EPS15: variants seen among roughly 807,000 people sequenced by gnomAD.
EPS15 encodes the protein epidermal growth factor receptor substrate 15.
EPS15 carries 72 observed loss-of-function variants against 113.8 expected under a neutral mutation model. The observed-to-expected ratio is 0.63, with a 90% CI of 0.52 to 0.77. The LOEUF (loss-of-function observed/expected upper bound fraction) is 0.77. Ranked by LOEUF, EPS15 falls within the 30% of genes least tolerant of loss-of-function variation. The pLI, the probability that EPS15 is intolerant of heterozygous loss-of-function variation, is 0.00. For synonymous variants in EPS15, 344 were observed against 363.4 expected (o/e 0.95, Z 0.61); for missense variants, 1,048 against 1,045.8 (o/e 1.00, Z -0.03).
At chr1:51,443,051 G>A (rs1316554861) in intron 11 of EPS15, among the ~76,000 whole-genome samples, 1 of 152,070 alleles carries the variant, frequency 6.6e-6, no homozygotes, top group African/African-American at 2.4e-5. Context: ...AAAATTTTGG[G>A]TTAATAGATA....
chr1:51,485,020 A>C (rs1344879924), intron 1 of EPS15, among the ~76,000 whole-genome samples: 2 of 152,224 alleles, frequency 1.3e-5, no homozygotes, highest in East Asian at 3.8e-4. Context: ...AGGAGCAATG[A>C]GCTATAAAGA....
chr1:51,452,003 T>A (rs1653610413), intron 8 of EPS15, among the ~76,000 whole-genome samples: 1 of 151,546 alleles, frequency 6.6e-6, no homozygotes, highest in South Asian at 2.1e-4. Flanking sequence ...CACCTCAGTC[T>A]CCCAAGTAGC....
intron 1 of EPS15, among the ~76,000 whole-genome samples, chr1:51,497,748 G>A (rs986264197): frequency 3.3e-5 from 5 of 152,118 alleles, no homozygotes; most frequent in African/African-American, 7.2e-5. Flanking sequence ...GGAGGTCAAG[G>A]CGGGCGGATC....
chr1:51,393,811 C>T (rs1018882329), intron 21 of EPS15, among the ~76,000 whole-genome samples: 1 of 152,148 alleles, frequency 6.6e-6, no homozygotes, highest in Non-Finnish European at 1.5e-5. Context: ...TTACCTGGTT[C>T]AAATCTATTA....
intron 12 of EPS15, among the ~76,000 whole-genome samples, chr1:51,424,618 G>C (rs748736472): frequency 6.6e-5 from 10 of 152,254 alleles, no homozygotes; most frequent in Admixed American, 3.3e-4. Flanking sequence ...AAATAGGTGT[G>C]TGAGGCTGGG....
At chr1:51,499,978 T>C in intron 1 of EPS15, among the ~76,000 whole-genome samples, 1 of 152,210 alleles carries the variant, frequency 6.6e-6, no homozygotes, top group East Asian at 1.9e-4. Flanking sequence ...TGTTACCAAT[T>C]ATTCTACTTT....
chr1:51,460,493 C>A (rs982683208), intron 8 of EPS15, among the ~76,000 whole-genome samples: 1 of 152,110 alleles, frequency 6.6e-6, no homozygotes, highest in African/African-American at 2.4e-5. Flanking sequence ...ATATTAGAAG[C>A]AGGTACTAAG....
intron 1 of EPS15, among the ~76,000 whole-genome samples, chr1:51,503,741 GA>G (rs1644452347): frequency 6.6e-6 from 1 of 152,164 alleles, no homozygotes; most frequent in Non-Finnish European, 1.5e-5. Context: ...TACTGCACAG[GA>G]CATATAGATC....
At chr1:51,518,874 C>T (rs1296356423) in intron 1 of EPS15, among the ~76,000 whole-genome samples, 2 of 151,686 alleles carry the variant, frequency 1.3e-5, no homozygotes, top group African/African-American at 4.8e-5. Flanking sequence ...TGAAAGCTGC[C>T]CCGCGGGAGC....
chr1:51,357,376 G>GAAAAAA (rs56655497), intron 24 of EPS15, among the ~76,000 whole-genome samples: 3 of 33,114 alleles, frequency 9.1e-5, no homozygotes, highest in African/African-American at 5.8e-4. Flanking sequence ...GATTCCATCT[G>GAAAAAA]AAAAAAAAAA....
chr1:51,408,068 A>C (rs1406907329), intron 15 of EPS15, 67 bp downstream of exon 15: 19 of 1,374,176 alleles, frequency 1.4e-5, no homozygotes, highest in Non-Finnish European at 2.0e-5. Flanking sequence ...CAGAAGTTGG[A>C]AAGTATAACT....
chr1:51,411,460 AG>A (rs1458714728), intron 13 of EPS15, among the ~76,000 whole-genome samples: 1 of 152,232 alleles, frequency 6.6e-6, no homozygotes, highest in African/African-American at 2.4e-5. Context: ...TTTAAGATAC[AG>A]GGACACTTGA....
chr1:51,387,621 G>A (rs1370984439), intron 21 of EPS15, among the ~76,000 whole-genome samples: 1 of 152,152 alleles, frequency 6.6e-6, no homozygotes, highest in African/African-American at 2.4e-5. Context: ...AAGGATGGAG[G>A]AAGATCTACC....
chr1:51,451,920 T>G (rs1239948075), intron 8 of EPS15, among the ~76,000 whole-genome samples: 1 of 152,128 alleles, frequency 6.6e-6, no homozygotes, highest in Non-Finnish European at 1.5e-5. Context: ...TTGGTTGGTT[T>G]GTTTTTTGCC....
At chr1:51,484,657 T>C (rs1297848331) in intron 1 of EPS15, among the ~76,000 whole-genome samples, 1 of 152,176 alleles carries the variant, frequency 6.6e-6, no homozygotes, top group African/African-American at 2.4e-5. Context: ...AACAACTTCT[T>C]TGCAAGGGGA....
intron 1 of EPS15, among the ~76,000 whole-genome samples, chr1:51,490,055 T>C (rs767091754): frequency 2.0e-5 from 3 of 152,144 alleles, no homozygotes; most frequent in Admixed American, 6.5e-5. Context: ...CCAAAGTGTA[T>C]CAAGTAGTAA....
At chr1:51,402,380 T>C (rs1462247740) in intron 18 of EPS15, 55 bp downstream of exon 18, 2 of 921,824 alleles carry the variant, frequency 2.2e-6, no homozygotes, top group Non-Finnish European at 3.4e-6. Context: ...TTAGTTTATA[T>C]ATTAAAAAGT....
At chr1:51,513,129 C>T (rs1030660766) in intron 1 of EPS15, among the ~76,000 whole-genome samples, 1 of 152,200 alleles carries the variant, frequency 6.6e-6, no homozygotes, top group Non-Finnish European at 1.5e-5. Flanking sequence ...CTATGCCTAC[C>T]CCAAATTAGC....
chr1:51,485,571 A>G (rs1176143822), intron 1 of EPS15, among the ~76,000 whole-genome samples: 1 of 152,178 alleles, frequency 6.6e-6, no homozygotes, highest in South Asian at 2.1e-4. Flanking sequence ...CCTTAAAAAA[A>G]CAAACAAACA....
Sources: allele counts gnomAD v4.1 joint callset (sites outside exome capture counted in the v4.1 genomes callset), GRCh38; gene constraint gnomAD v4.1.1; transcripts MANE v1.5; gene names NCBI Gene and HGNC (gene_info 2026-07-23, HGNC 2026-07-21).